SERHL2: variants seen among roughly 807,000 people sequenced by gnomAD.
The protein encoded by SERHL2 is serine hydrolase-like protein 2.
Under a neutral mutation model 25.5 loss-of-function variants are expected in SERHL2, and 29 were observed. The ratio of observed to expected loss-of-function variants is 1.14; its 90% CI spans 0.85 to 1.55. SERHL2 has a LOEUF of 1.55. SERHL2 is among the 40% of genes most tolerant of loss of function. SERHL2 has a pLI of 0.00. For missense variants in SERHL2, 240 were observed against 252.3 expected (o/e 0.95, Z 0.33); for synonymous variants, 95 against 103.5 (o/e 0.92, Z 0.50).
At chr22:42,561,260 G>A (rs151089386) in intron 8 of SERHL2, among the ~76,000 whole-genome samples, 4 of 151,974 alleles carry the variant, frequency 2.6e-5, no homozygotes, top group East Asian at 3.9e-4. Context: ...AGATGGTGTC[G>A]TCGGATGGAA....
intron 8 of SERHL2, among the ~76,000 whole-genome samples, chr22:42,562,002 C>T (rs1238448969): frequency 1.3e-5 from 2 of 151,680 alleles, no homozygotes; most frequent in South Asian, 4.2e-4. Flanking sequence ...GCTGACCAGG[C>T]ACCCCTATGT....
chr22:42,566,481 G>T, intron 9 of SERHL2, 143 bp downstream of exon 9: 4 of 742,026 alleles, frequency 5.4e-6, no homozygotes, highest in Non-Finnish European at 9.1e-6. Flanking sequence ...TCGCTTGAAT[G>T]GGAGGCAGAG....
intron 8 of SERHL2, among the ~76,000 whole-genome samples, chr22:42,562,218 G>T (rs368419119): frequency 4.5e-4 from 68 of 151,872 alleles, no homozygotes; most frequent in South Asian, 1.5e-3. Context: ...GACAATGTAG[G>T]TTCCTCCCAA....
intron 8 of SERHL2, among the ~76,000 whole-genome samples, chr22:42,561,732 C>A (rs967395937): frequency 6.6e-6 from 1 of 151,792 alleles, no homozygotes; most frequent in Admixed American, 6.6e-5. Flanking sequence ...GTCTAAGGAG[C>A]GGCACCTGTG....
intron 8 of SERHL2, among the ~76,000 whole-genome samples, chr22:42,564,423 C>A (rs913791487): frequency 6.7e-6 from 1 of 148,406 alleles, no homozygotes; most frequent in Non-Finnish European, 1.5e-5. Flanking sequence ...AGGCCCGACA[C>A]AGGATTTTTT....
At chr22:42,563,510 G>A in intron 8 of SERHL2, 4 of 347,152 alleles carry the variant, frequency 1.2e-5, no homozygotes, top group South Asian at 8.2e-5. Flanking sequence ...AGCCAACCCT[G>A]TCTTAAAAAC....
rs6002800 is a variant in SERHL2 at position 42,572,844 on chromosome 22, A to G, written c.825+315A>G. The G allele has an allele frequency of 5.1e-3, 2,236 of 442,704 alleles. 43 individuals carry two copies. Among genetic ancestry groups the G allele is most frequent in the African/African-American group, 0.044 (2,082 of 46,878 alleles). 27.4% of individuals were successfully genotyped at this position (442,704 alleles called of 1,614,324 possible). Reference sequence around the variant, plus strand: ...CATGCCCAGCTAATTTTTATATTTTATATTTTTAAGAGATGGGGTTTCACC... The same window carrying G: ...CATGCCCAGCTAATTTTTATATTTTGTATTTTTAAGAGATGGGGTTTCACC... On this transcript the variant is annotated intron_variant, in intron 11 of 11. Transcript: ENST00000327678.
chr22:42,563,946 G>A (rs567473184), intron 8 of SERHL2, among the ~76,000 whole-genome samples: 6 of 148,954 alleles, frequency 4.0e-5, no homozygotes, highest in Non-Finnish European at 8.9e-5. Context: ...GATGGCGCAT[G>A]CCTGTAATCC....
At chr22:42,573,839 G>T in intron 11 of SERHL2, 97 bp from the exon 12 acceptor site, 2 of 1,171,582 alleles carry the variant, frequency 1.7e-6, no homozygotes, top group South Asian at 1.4e-5. Flanking sequence ...GACCTGCAGG[G>T]AGCTGGAATG....
chr22:42,573,734 C>T (rs756190732), intron 11 of SERHL2: 1 of 647,204 alleles, frequency 1.5e-6, no homozygotes, highest in Non-Finnish European at 2.8e-6. Flanking sequence ...GGGAGGCCTC[C>T]AAGTCCCTAG....
intron 11 of SERHL2, among the ~76,000 whole-genome samples, chr22:42,573,093 G>A (rs1487037090): frequency 1.3e-5 from 2 of 151,798 alleles, no homozygotes; most frequent in African/African-American, 4.8e-5. Flanking sequence ...CAGGTTCCTG[G>A]GAGCACGTGG....
At chr22:42,572,682 G>A in intron 11 of SERHL2, 153 bp downstream of exon 11, 1 of 984,642 alleles carries the variant, frequency 1.0e-6, no homozygotes. Flanking sequence ...GCTCCACTGT[G>A]GTCAGTCCCT....
chr22:42,567,314 C>T (rs1923521979), intron 9 of SERHL2, among the ~76,000 whole-genome samples: 2 of 151,988 alleles, frequency 1.3e-5, no homozygotes, highest in African/African-American at 4.8e-5. Context: ...TGTTCTTGAG[C>T]ATGGTGTCAG....
intron 9 of SERHL2, among the ~76,000 whole-genome samples, chr22:42,570,191 G>A (rs1414939496): frequency 6.6e-6 from 1 of 151,982 alleles, no homozygotes; most frequent in Non-Finnish European, 1.5e-5. Context: ...GGAGTCCGAG[G>A]CAGACAGATC....
chr22:42,562,331 T>A (rs2146693469), intron 8 of SERHL2, among the ~76,000 whole-genome samples: 1 of 151,980 alleles, frequency 6.6e-6, no homozygotes, highest in South Asian at 2.1e-4. Flanking sequence ...TCCTCCAGAA[T>A]CTGGAGCTTA....
Position 42,566,330 on chromosome 22 carries a change from C to T in SERHL2, c.640C>T (p.Leu214Phe). The T allele has an allele frequency of 6.2e-7, 1 of 1,612,014 alleles. No individual in the cohort carries two copies. Among genetic ancestry groups the T allele is most frequent in the Non-Finnish European group, 8.5e-7 (1 of 1,179,216 alleles). Residue 214 changes from leucine (L) to phenylalanine (F), a missense_variant, in exon 9 of 12, where the codon CTC becomes TTC. Transcript: ENST00000327678. Reference sequence around the variant, plus strand: ...TCTGGTTCTGAACAGAGACCAGAGGCTCGCCTGGGTGAGTACCACTGCCTC... The same window carrying T: ...TCTGGTTCTGAACAGAGACCAGAGGTTCGCCTGGGTGAGTACCACTGCCTC... ...TGLVLNRDQR[L>F]AWAENSIDFI...
chr22:42,555,978 C>A, intron 4 of SERHL2, 86 bp from the exon 5 acceptor site: 1 of 465,638 alleles, frequency 2.1e-6, no homozygotes, highest in Non-Finnish European at 3.3e-6. Flanking sequence ...TGGTGCCCCC[C>A]CCCCCCAACT....
At chr22:42,558,978 G>A (rs1357031080) in intron 7 of SERHL2, among the ~76,000 whole-genome samples, 2 of 36,590 alleles carry the variant, frequency 5.5e-5, no homozygotes, top group South Asian at 8.3e-4. Context: ...CAGTGGGCCT[G>A]GTAGGTCAGA....
At chr22:42,563,469 G>A in intron 8 of SERHL2, 1 of 442,152 alleles carries the variant, frequency 2.3e-6, no homozygotes, top group South Asian at 1.6e-5. Flanking sequence ...CTCCCAAAAT[G>A]GTAGGATTAC....
Sources: gnomAD v4.1 joint callset for allele counts (sites outside exome capture counted in the v4.1 genomes callset) on GRCh38, gnomAD v4.1.1 for gene constraint, MANE v1.5 for transcripts, NCBI Gene and HGNC (gene_info 2026-07-23, HGNC 2026-07-21) for gene names.